Variants in TYR observed in about 807,000 individuals in gnomAD.
TYR encodes the protein tyrosinase.
In TYR, 58 loss-of-function variants were observed where a neutral mutation model predicts 51.5. The observed-to-expected ratio is 1.13, with a 90% CI of 0.91 to 1.40. The LOEUF is 1.40. Ranked by LOEUF, TYR falls within the 40% of genes most tolerant of loss-of-function variation. TYR has a pLI of 0.00. For missense variants in TYR, 732 were observed against 647.4 expected, an observed-to-expected ratio of 1.13 and a Z score of -1.42; for synonymous variants, 263 against 235.2, an observed-to-expected ratio of 1.12 and a Z score of -1.08.
At position 89,198,754 on chromosome 11, in the gene TYR, C is replaced by CATATATATATATAT. The variant is rs144458836; in HGVS notation, c.1036+7339_1036+7352dup. 1.9e-3 allele frequency among the ~76,000 whole-genome samples: 278 copies of CATATATATATATAT among 146,394 alleles called. 2 individuals are homozygous for CATATATATATATAT. The highest frequency in any genetic ancestry group is 6.4e-3 in the African/African-American group (242 of 37,816). On this transcript the variant is annotated intron_variant, in intron 2 of 4. Transcript: ENST00000263321. Reference sequence around the variant, plus strand: ...TTTACTCAAAAGGTAACTTTTTTCTCATATATATATATATATTTTTATACT... The same window carrying CATATATATATATAT: ...TTTACTCAAAAGGTAACTTTTTTCTCATATATATATATATATATATATATATATATTTTTATACT...
At chr11:89,192,306 C>T (rs1486960094) in intron 2 of TYR, among the ~76,000 whole-genome samples, 3 of 151,432 alleles carry the variant, frequency 2.0e-5, no homozygotes, top group Non-Finnish European at 4.4e-5. Context: ...CACAACAAAA[C>T]AAAAACAAAC....
chr11:89,225,838 G>C (rs1164853838), intron 2 of TYR, among the ~76,000 whole-genome samples: 3 of 151,950 alleles, frequency 2.0e-5, no homozygotes, highest in African/African-American at 7.2e-5. Context: ...TAAATAGCTA[G>C]AATAGAAGAT....
chr11:89,220,743 C>T (rs755856058), intron 2 of TYR, among the ~76,000 whole-genome samples: 7 of 151,788 alleles, frequency 4.6e-5, no homozygotes, highest in Non-Finnish European at 8.8e-5. Context: ...GCAACAAGAG[C>T]GAAACTCCGT....
intron 3 of TYR, among the ~76,000 whole-genome samples, chr11:89,256,324 C>A (rs1303510955): frequency 6.6e-6 from 1 of 151,506 alleles, no homozygotes; most frequent in Non-Finnish European, 1.5e-5. Context: ...CATATGCCTT[C>A]AATATATACT....
rs190561523 is a variant in TYR, at chr11:89,244,301, A to T, written c.1184+16331A>T. ...TCTCTCATAGATTGATTCAATAAAGAGATCTACTAGGCAGTTGAGCTCCAG... is the reference window on the plus strand; with the variant it reads ...TCTCTCATAGATTGATTCAATAAAGTGATCTACTAGGCAGTTGAGCTCCAG... On this transcript the variant is annotated intron_variant, in intron 3 of 4. Transcript: ENST00000263321. 3.9e-3 allele frequency among the ~76,000 whole-genome samples: 599 copies of T among 151,874 alleles called. 5 individuals carry two copies. Among genetic ancestry groups the T allele is most frequent in the African/African-American group, 0.014 (572 of 41,322 alleles).
At chr11:89,270,645 C>A (rs1338653104) in intron 3 of TYR, among the ~76,000 whole-genome samples, 1 of 151,740 alleles carries the variant, frequency 6.6e-6, no homozygotes, top group African/African-American at 2.4e-5. Flanking sequence ...TATCTAAACA[C>A]TAAATTAGTG....
chr11:89,218,913 G>T (rs748667182), intron 2 of TYR, among the ~76,000 whole-genome samples: 1 of 152,106 alleles, frequency 6.6e-6, no homozygotes, highest in Non-Finnish European at 1.5e-5. Flanking sequence ...GTTAAGAGTT[G>T]GACTACCTGG....
At chr11:89,291,428 T>C (rs1944852099) in intron 4 of TYR, among the ~76,000 whole-genome samples, 1 of 152,044 alleles carries the variant, frequency 6.6e-6, no homozygotes, top group Non-Finnish European at 1.5e-5. Flanking sequence ...ATCTATTAAT[T>C]GCATCAGGTA....
intron 2 of TYR, among the ~76,000 whole-genome samples, chr11:89,202,869 C>T (rs1477864060): frequency 1.3e-5 from 2 of 152,048 alleles, no homozygotes; most frequent in East Asian, 3.9e-4. Context: ...CTCTTCATTG[C>T]AAGCTCCTCT....
At position 89,231,558 on chromosome 11, in the gene TYR, A is replaced by G. The variant is rs554744567; in HGVS notation, c.1184+3588A>G. 1.5e-4 allele frequency among the ~76,000 whole-genome samples: 22 copies of G among 143,486 alleles called. 3 individuals are homozygous for G. The highest frequency in any genetic ancestry group is 1.4e-3 in the Admixed American group (20 of 14,522). The allele number at this position is 143,486 out of a possible 152,430, so 94.1% of individuals were successfully genotyped here. On this transcript the variant is annotated intron_variant, in intron 3 of 4. Coordinates refer to ENST00000263321, the MANE Select transcript of TYR (RefSeq NM_000372.5). The stretch of plus-strand genomic sequence containing the variant: ...TCAGACACACAAAGACAGAAACTGC[A>G]TGGTCTCACTTATTTGTGGAGTCAA...
At chr11:89,254,225 G>A (rs1944362604) in intron 3 of TYR, among the ~76,000 whole-genome samples, 1 of 151,672 alleles carries the variant, frequency 6.6e-6, no homozygotes, top group Non-Finnish European at 1.5e-5. Context: ...GATTCAGTTA[G>A]CTAGTATTTT....
intron 2 of TYR, among the ~76,000 whole-genome samples, chr11:89,218,263 T>G (rs77911164): frequency 0.017 from 2,558 of 152,276 alleles, 66 homozygotes; most frequent in African/African-American, 0.059. Context: ...CAACTAAAGC[T>G]ACATGTTTTA....
At chr11:89,252,362 T>C (rs184822285) in intron 3 of TYR, among the ~76,000 whole-genome samples, 8 of 151,894 alleles carry the variant, frequency 5.3e-5, no homozygotes, top group Admixed American at 2.6e-4. Context: ...ACCTTGGCTG[T>C]TGGGGTTTTG....
At chr11:89,216,647 C>CAAAAA (rs11411684) in intron 2 of TYR, among the ~76,000 whole-genome samples, 1,796 of 80,708 alleles carry the variant, frequency 0.022, 46 homozygotes, top group African/African-American at 0.052. Context: ...TTTTCCATCT[C>CAAAAA]AAAAAAAAAA....
intron 3 of TYR, among the ~76,000 whole-genome samples, chr11:89,246,607 C>T (rs559292227): frequency 6.6e-6 from 1 of 152,100 alleles, no homozygotes; most frequent in Admixed American, 6.5e-5. Context: ...GCCAGCCTGC[C>T]TCCCTCCTTA....
intron 3 of TYR, chr11:89,283,671 G>A (rs1324187252): frequency 6.6e-6 from 1 of 151,750 alleles, no homozygotes; most frequent in Admixed American, 6.6e-5. Flanking sequence ...CCCAACTCCA[G>A]CTCTTGTGTT....
At chr11:89,263,272 T>C (rs1007520966) in intron 3 of TYR, among the ~76,000 whole-genome samples, 2 of 151,900 alleles carry the variant, frequency 1.3e-5, no homozygotes, top group Admixed American at 6.6e-5. Context: ...GTCATCTCAA[T>C]AGGTGCAGAA....
At chr11:89,214,330 C>T (rs1270112105) in intron 2 of TYR, among the ~76,000 whole-genome samples, 3 of 152,082 alleles carry the variant, frequency 2.0e-5, no homozygotes, top group African/African-American at 7.2e-5. Flanking sequence ...AACCACAATG[C>T]CATACCATCT....
At chr11:89,255,695 A>G (rs1944382433) in intron 3 of TYR, among the ~76,000 whole-genome samples, 1 of 151,782 alleles carries the variant, frequency 6.6e-6, no homozygotes, top group African/African-American at 2.4e-5. Context: ...GTGGTATACA[A>G]TAATTCATAA....
Sources: allele counts gnomAD v4.1 joint callset (sites outside exome capture counted in the v4.1 genomes callset), GRCh38; gene constraint gnomAD v4.1.1; transcripts MANE v1.5; gene names NCBI Gene and HGNC (gene_info 2026-07-23, HGNC 2026-07-21).